Variants in NR2C1 observed in about 807,000 individuals in gnomAD.
NR2C1 encodes the protein TR2 nuclear hormone receptor.
A neutral mutation model predicts 74.8 loss-of-function variants in NR2C1; 33 were observed. That is an observed-to-expected ratio of 0.44 (90% confidence interval 0.33 to 0.59). The LOEUF is 0.59. NR2C1 is among the 20% of genes least tolerant of loss of function. The pLI is 0.02. For synonymous variants in NR2C1, 225 were observed against 240.6 expected (o/e 0.94, Z 0.60); for missense variants, 568 against 715.6 (o/e 0.79, Z 2.35).
intron 11 of NR2C1, among the ~76,000 whole-genome samples, chr12:95,031,086 T>C (rs1487216111): frequency 1.3e-5 from 2 of 152,188 alleles, no homozygotes; most frequent in African/African-American, 2.4e-5. Flanking sequence ...TCTTTGATAG[T>C]TGCACAAAAA....
Position 95,020,347 on chromosome 12 carries a change from GA to G in NR2C1, c.*1881del, listed in dbSNP as rs763054920. 154 of 152,090 alleles carry G rather than the reference GA, an allele frequency of 1.0e-3. No individual in the cohort carries two copies. The highest frequency in any genetic ancestry group is 3.7e-3 in the African/African-American group (152 of 41,520). The allele number at this position is 152,090 out of a possible 1,614,324, so 9.4% of individuals were successfully genotyped here. ...CCAAATATAGTAGCAAATTTAATCA[GA>G]AAAAACACCTGAAACATCTTAACTA... is the stretch of plus-strand genomic sequence containing the variant. On this transcript the variant is annotated 3_prime_UTR_variant, in exon 14 of 14. Transcript: ENST00000333003.
chr12:95,044,293 A>C (rs1302180076), intron 9 of NR2C1, among the ~76,000 whole-genome samples: 3 of 150,748 alleles, frequency 2.0e-5, no homozygotes, highest in Admixed American at 2.0e-4. Flanking sequence ...TTTGAGATGC[A>C]GTCTTGCTCT....
chr12:95,053,118 C>T (rs532410509), intron 7 of NR2C1, among the ~76,000 whole-genome samples: 6 of 151,938 alleles, frequency 3.9e-5, no homozygotes, highest in South Asian at 4.2e-4. Context: ...TGACTACGGG[C>T]GCATACCACC....
Position 95,032,085 on chromosome 12 carries a change from C to A in NR2C1, c.1254-597G>T, listed in dbSNP as rs191408746. On this transcript the variant is annotated intron_variant, in intron 10 of 13. Transcript: ENST00000333003. ...GTTTTGCCGTCTTGACCAGGCTGGT[C>A]TTGAACTCCTGACCTCAGCTGATCC... Among the ~76,000 whole-genome samples the A allele has an allele frequency of 2.4e-4, 37 of 152,332 alleles. No homozygotes were observed. The East Asian group carries it at 7.1e-3, about 29-fold the overall frequency.
rs147816589 is a variant in NR2C1 at position 95,021,061 on chromosome 12, C to T, written c.*1168G>A. Reference sequence around the variant, plus strand: ...GTGATCTAAAAGAAATTGGCTAAAACCCATACATGACAGGTTTGGGAAGCT... The same window carrying T: ...GTGATCTAAAAGAAATTGGCTAAAATCCATACATGACAGGTTTGGGAAGCT... On this transcript the variant is annotated 3_prime_UTR_variant, in exon 14 of 14. Transcript: ENST00000333003. The T allele has an allele frequency of 9.1e-4, 139 of 152,102 alleles. 1 individual carries two copies. Among genetic ancestry groups the T allele is most frequent in the African/African-American group, 3.0e-3 (125 of 41,466 alleles). The allele number at this position is 152,102 out of a possible 1,614,324, so 9.4% of individuals were successfully genotyped here. A position where few individuals can be genotyped will look rare whatever the true frequency, so the allele number is the denominator to read the frequency against.
At chr12:95,042,527 G>A (rs1871697044) in intron 9 of NR2C1, among the ~76,000 whole-genome samples, 1 of 151,930 alleles carries the variant, frequency 6.6e-6, no homozygotes, top group Non-Finnish European at 1.5e-5. Flanking sequence ...AAAGGTATCT[G>A]CTATCTAAAA....
chr12:95,030,600 T>G lies in NR2C1; in HGVS notation c.1393+749A>C, dbSNP rs369573496. 5.6e-6 allele frequency: 9 copies of G among 1,613,292 alleles called. No individual in the cohort carries two copies. In the African/African-American group the frequency reaches 1.2e-4, roughly 22 times the overall value. On this transcript the variant is annotated intron_variant, in intron 11 of 13. Coordinates refer to ENST00000333003, the MANE Select transcript of NR2C1 (RefSeq NM_003297.4). ...TGCTGCCTTCTAGTAGATCTATTTT[T>G]GATGACATTTTAAGGTGATTACCCC...
At chr12:95,059,355 A>T (rs1874400950) in intron 4 of NR2C1, among the ~76,000 whole-genome samples, 1 of 151,980 alleles carries the variant, frequency 6.6e-6, no homozygotes, top group Non-Finnish European at 1.5e-5. Context: ...TGAAATATGC[A>T]TTTTATTTCA....
chr12:95,028,187 TATTTTTC>T, intron 12 of NR2C1, 193 bp downstream of exon 12: 2 of 509,492 alleles, frequency 3.9e-6, no homozygotes, highest in Non-Finnish European at 6.9e-6. Context: ...CATAGATATA[TATTTTTC>T]ATTTCTCTTG....
intron 7 of NR2C1, among the ~76,000 whole-genome samples, chr12:95,056,641 T>A (rs1421934803): frequency 6.6e-6 from 1 of 152,204 alleles, no homozygotes; most frequent in African/African-American, 2.4e-5. Context: ...CTAACAAATC[T>A]GTAAGGGAGC....
At chr12:95,060,311 T>C (rs1030062412) in intron 3 of NR2C1, among the ~76,000 whole-genome samples, 13 of 152,186 alleles carry the variant, frequency 8.5e-5, no homozygotes, top group Non-Finnish European at 1.3e-4. Flanking sequence ...AGCTCATCAC[T>C]AGGCACAGCT....
intron 1 of NR2C1, among the ~76,000 whole-genome samples, chr12:95,067,878 C>CTTTT (rs35730526): frequency 3.6e-5 from 4 of 110,012 alleles, no homozygotes; most frequent in Admixed American, 2.1e-4. Flanking sequence ...CTCCATGTAT[C>CTTTT]TTTTTTTTTT....
chr12:95,040,936 T>A (rs182226475), intron 9 of NR2C1, among the ~76,000 whole-genome samples: 5 of 152,178 alleles, frequency 3.3e-5, no homozygotes, highest in African/African-American at 1.2e-4. Flanking sequence ...AAATTCAGTT[T>A]AAGGAGAAAT....
rs886178769 is a variant in NR2C1, at chr12:95,073,580, G to A, written c.-208C>T. ...GAGTTCGTGACCTCTTTCTCGGCTC[G>A]GCGGCGCGCTATCCCGCCAGCGCCT... On this transcript the variant is annotated 5_prime_UTR_variant, in exon 1 of 14. Transcript: ENST00000333003. 3 of 152,248 alleles carry A rather than the reference G, an allele frequency of 2.0e-5. No individual in the cohort carries two copies. The highest frequency in any genetic ancestry group is 4.4e-5 in the Non-Finnish European group (3 of 68,054). 9.4% of individuals were successfully genotyped at this position (152,248 alleles called of 1,614,324 possible).
chr12:95,049,186 G>A lies in NR2C1; in HGVS notation c.1013C>T (p.Ala338Val). The A allele has an allele frequency of 1.2e-6, 2 of 1,614,098 alleles. No homozygotes were observed. The highest frequency in any genetic ancestry group is 1.7e-6 in the Non-Finnish European group (2 of 1,179,982). ...CATGCCCGCTACTGAGCTCTGGCAG[G>A]CTGTGCTCTCTCCAGGATTCAATGC... ...AKALNPGEST[A>V]CQSSVAGMEG... is the part of the protein sequence containing the mutation. The change falls in exon 9 of 14, where the codon GCC becomes GTC. Residue 338 changes from alanine to valine, a missense_variant. Transcript: ENST00000333003.
At position 95,054,897 on chromosome 12, in the gene NR2C1, C is replaced by T. The variant is rs182596198; in HGVS notation, c.783+2656G>A. ...CTCTAGTTTTCCTAGGCAGAGGACC[C>T]TGCAGCGTTCCACAGTGTTTGTGTC... On this transcript the variant is annotated intron_variant, in intron 7 of 13. Coordinates refer to ENST00000333003, the MANE Select transcript of NR2C1 (RefSeq NM_003297.4). 4.6e-4 allele frequency among the ~76,000 whole-genome samples: 70 copies of T among 152,236 alleles called. 2 individuals are homozygous for T. In the East Asian group the frequency reaches 0.013, roughly 28 times the overall value.
chr12:95,022,118 G>T lies in NR2C1; in HGVS notation c.*111C>A. 1 of 782,228 alleles carries T rather than the reference G, an allele frequency of 1.3e-6. No homozygotes were observed. The allele number at this position is 782,228 out of a possible 1,614,324, so 48.5% of individuals were successfully genotyped here. ...CTAAAATAAAAATACCTTGGATTCT[G>T]GTTACTTTTTAAAGTAAAAATTTCC... is the stretch of plus-strand genomic sequence containing the variant. On this transcript the variant is annotated 3_prime_UTR_variant, in exon 14 of 14. Coordinates refer to ENST00000333003, the MANE Select transcript of NR2C1 (RefSeq NM_003297.4).
chr12:95,053,905 G>A (rs1027711698), intron 7 of NR2C1, among the ~76,000 whole-genome samples: 4 of 151,890 alleles, frequency 2.6e-5, no homozygotes, highest in Non-Finnish European at 4.4e-5. Context: ...GGACAGTCTC[G>A]ATCTCCTGAC....
rs79760875 is a variant in NR2C1 at position 95,059,986 on chromosome 12, TAAAAAAAAAA to T, written c.286-12_286-3del. The T allele has an allele frequency of 2.7e-5, 29 of 1,072,588 alleles. No individual in the cohort carries two copies. In the South Asian group the frequency reaches 4.4e-4, roughly 16 times the overall value. 66.4% of individuals were successfully genotyped at this position (1,072,588 alleles called of 1,614,324 possible). On this transcript the variant is annotated splice_region_variant and splice_polypyrimidine_tract_variant and intron_variant, in intron 3 of 13. Coordinates refer to ENST00000333003, the MANE Select transcript of NR2C1 (RefSeq NM_003297.4). ...GTCTGGAGAATTATCTGTTAGGAGCTAAAAAAAAAAAAAAAAAAAAAGAAAACAAAAACGA... is the reference window on the plus strand; with the variant it reads ...GTCTGGAGAATTATCTGTTAGGAGCTAAAAAAAAAAAGAAAACAAAAACGA...
Sources: gnomAD v4.1 joint callset for allele counts (sites outside exome capture counted in the v4.1 genomes callset) on GRCh38, gnomAD v4.1.1 for gene constraint, MANE v1.5 for transcripts, NCBI Gene and HGNC (gene_info 2026-07-23, HGNC 2026-07-21) for gene names.